RUNX1T1: variants seen among roughly 807,000 people sequenced by gnomAD.
RUNX1T1 encodes the protein protein CBFA2T1.
RUNX1T1 carries 4 observed loss-of-function variants against 62.8 expected under a neutral mutation model. That is an observed-to-expected ratio of 0.06 (90% CI 0.03 to 0.15). RUNX1T1 has a LOEUF of 0.15. RUNX1T1 is among the 10% of genes least tolerant of loss of function. RUNX1T1 has a pLI of 1.00. For synonymous variants in RUNX1T1, 291 were observed against 286.0 expected, an observed-to-expected ratio of 1.02 and a Z score of -0.18; for missense variants, 508 against 754.3, an observed-to-expected ratio of 0.67 and a Z score of 3.82.
At chr8:92,065,941 T>C (rs908153313), upstream of RUNX1T1, among the ~76,000 whole-genome samples, 1 of 152,212 alleles carries the variant, frequency 6.6e-6, no homozygotes, top group African/African-American at 2.4e-5. Flanking sequence ...AACCAAATAC[T>C]TTCCTACCCC....
At chr8:92,020,532 TA>T (rs1335450525) in intron 1 of RUNX1T1, among the ~76,000 whole-genome samples, 4 of 152,018 alleles carry the variant, frequency 2.6e-5, no homozygotes, top group African/African-American at 7.2e-5. Flanking sequence ...ACAAAATGAT[TA>T]AAAGTCAAAA....
chr8:91,999,086 CATG>C (rs1480164472), intron 5 of RUNX1T1, among the ~76,000 whole-genome samples: 1 of 152,154 alleles, frequency 6.6e-6, no homozygotes. Flanking sequence ...ATGAGAGAAA[CATG>C]GTCCCTCAAC....
Position 92,051,602 on chromosome 8 carries a change from A to ACTCT in RUNX1T1, c.7+10940_7+10943dup, listed in dbSNP as rs34298111. ...CTCTCTCTCTCACACACACACACAC[A>ACTCT]CTCTCTCTCTCTCTCTCTCTCACTC... is the stretch of plus-strand genomic sequence containing the variant. On this transcript the variant is annotated intron_variant, in intron 1 of 10. Transcript: ENST00000396218. Among the ~76,000 whole-genome samples the ACTCT allele has an allele frequency of 3.2e-3, 457 of 140,894 alleles. 2 individuals are homozygous for ACTCT. Among genetic ancestry groups the ACTCT allele is most frequent in the African/African-American group, 0.011 (387 of 36,642 alleles). 92.4% of individuals were successfully genotyped at this position (140,894 alleles called of 152,430 possible).
At chr8:91,975,077 G>C (rs1004153995) in intron 9 of RUNX1T1, among the ~76,000 whole-genome samples, 4 of 152,216 alleles carry the variant, frequency 2.6e-5, no homozygotes, top group African/African-American at 9.6e-5. Context: ...AAGAGCTGGA[G>C]TTACAGCAGC....
upstream of RUNX1T1, among the ~76,000 whole-genome samples, chr8:92,099,877 G>A (rs775911942): frequency 9.2e-5 from 14 of 152,018 alleles, no homozygotes; most frequent in Admixed American, 5.2e-4. Flanking sequence ...TTTTGGCTAC[G>A]GTTCGATTTG....
intron 9 of RUNX1T1, among the ~76,000 whole-genome samples, chr8:91,973,748 A>G (rs571116039): frequency 6.6e-6 from 1 of 152,172 alleles, no homozygotes; most frequent in South Asian, 2.1e-4. Flanking sequence ...ACTGAACACT[A>G]GAAATGCCAT....
intron 1 of RUNX1T1, chr8:92,017,653 G>A (rs780427559): frequency 6.3e-6 from 8 of 1,271,358 alleles, no homozygotes; most frequent in African/African-American, 1.5e-5. Context: ...CAGCACAACT[G>A]CACTGGAAGC....
At chr8:92,046,733 T>C (rs1485205188) in intron 1 of RUNX1T1, among the ~76,000 whole-genome samples, 4 of 152,164 alleles carry the variant, frequency 2.6e-5, no homozygotes, top group Admixed American at 6.5e-5. Context: ...GGGTATCTTA[T>C]ATCTAAAATG....
At chr8:92,068,239 T>A (rs1016773297) in intron 2 of RUNX1T1, among the ~76,000 whole-genome samples, 3 of 152,222 alleles carry the variant, frequency 2.0e-5, no homozygotes, top group Non-Finnish European at 4.4e-5. Flanking sequence ...TCAGGTAACA[T>A]GGAAGACATC....
exon 11 of RUNX1T1, chr8:91,959,493 T>TAC (rs1810001926): frequency 8.9e-6 from 1 of 112,440 alleles, no homozygotes; most frequent in Non-Finnish European, 1.6e-5. Context: ...TGTGTGTATA[T>TAC]ATATATATAT....
At chr8:91,979,512 G>A (rs1002619273) in intron 8 of RUNX1T1, among the ~76,000 whole-genome samples, 1 of 151,614 alleles carries the variant, frequency 6.6e-6, no homozygotes, top group Non-Finnish European at 1.5e-5. Flanking sequence ...AATGTTAAAC[G>A]TATATATATA....
exon 2 of RUNX1T1, chr8:92,017,300 A>T (rs767324003): frequency 3.1e-6 from 5 of 1,614,020 alleles, no homozygotes; most frequent in African/African-American, 1.3e-5. Context: ...TGGAGGAGTC[A>T]GCCTAGATTG....
chr8:91,991,560 T>A, intron 6 of RUNX1T1, 79 bp downstream of exon 7: 4 of 1,445,406 alleles, frequency 2.8e-6, no homozygotes, highest in East Asian at 2.3e-5. Flanking sequence ...ATTTCAAGCC[T>A]CAAGTTAAGT....
chr8:92,081,815 C>T (rs1835318479), intron 1 of RUNX1T1, among the ~76,000 whole-genome samples: 1 of 152,056 alleles, frequency 6.6e-6, no homozygotes, highest in East Asian at 1.9e-4. Flanking sequence ...CTCTCTTTTT[C>T]CCCCTTTCCT....
chr8:92,023,017 C>A (rs1824416556), intron 1 of RUNX1T1, among the ~76,000 whole-genome samples: 1 of 152,150 alleles, frequency 6.6e-6, no homozygotes, highest in South Asian at 2.1e-4. Context: ...CCTTGTTGCA[C>A]ATTAGTCAGA....
chr8:92,098,359 A>G (rs1837883835), intron 1 of RUNX1T1, among the ~76,000 whole-genome samples: 2 of 152,244 alleles, frequency 1.3e-5, no homozygotes. Flanking sequence ...AATGCAGGAA[A>G]AAGAAAAAGC....
rs962317353 is a variant in RUNX1T1 at position 91,968,893 on chromosome 8, T to G, written c.1458+1765A>C. 3.3e-5 allele frequency among the ~76,000 whole-genome samples: 5 copies of G among 152,126 alleles called. No homozygotes were observed. The South Asian group carries it at 8.3e-4, about 25-fold the overall frequency. On this transcript the variant is annotated intron_variant, in intron 10 of 10. Transcript: ENST00000396218. ...TTCAGATCATGATAAAATTGAAGCT[T>G]TTACAGGTTCAGTGGTTTTCTCAAA...
chr8:92,065,741 G>A (rs953215398), upstream of RUNX1T1, among the ~76,000 whole-genome samples: 1 of 152,198 alleles, frequency 6.6e-6, no homozygotes, highest in African/African-American at 2.4e-5. Context: ...GACATGGGCT[G>A]CAGTTCAGGA....
intron 5 of RUNX1T1, among the ~76,000 whole-genome samples, chr8:91,996,275 C>T (rs1423079440): frequency 6.6e-6 from 1 of 152,094 alleles, no homozygotes; most frequent in African/African-American, 2.4e-5. Context: ...AATCTTGGCT[C>T]ACTGCAAGCT....
Sources: gnomAD v4.1 joint callset for allele counts (sites outside exome capture counted in the v4.1 genomes callset) on GRCh38, gnomAD v4.1.1 for gene constraint, MANE v1.5 for transcripts, NCBI Gene and HGNC (gene_info 2026-07-23, HGNC 2026-07-21) for gene names.